Variants in ATR observed in about 807,000 individuals in gnomAD.
ATR encodes the protein ATR checkpoint kinase, also known as serine/threonine-protein kinase ATR.
A neutral mutation model predicts 305.3 loss-of-function variants in ATR; 142 were observed. The ratio of observed to expected loss-of-function variants is 0.47; its 90% CI spans 0.41 to 0.53. The LOEUF is 0.53. Ranked by LOEUF, ATR falls within the 20% of genes least tolerant of loss-of-function variation. The pLI, the probability that ATR is intolerant of heterozygous loss-of-function variation, is 0.00. For synonymous variants in ATR, 1,050 were observed against 1,068.1 expected, an observed-to-expected ratio of 0.98 and a Z score of 0.33; for missense variants, 2,135 against 3,133.1, an observed-to-expected ratio of 0.68 and a Z score of 7.60.
In ATR at chr3:142,568,100, A is replaced by G. The variant is rs1577713084; in HGVS notation, c.114T>C (p.Cys38=). Residue 38 remains cysteine, a synonymous_variant, in exon 2 of 47, where the codon TGT becomes TGC. Coordinates refer to ENST00000350721, the MANE Select transcript of ATR (RefSeq NM_001184.4). The part of the protein sequence containing the change: ...TVVQKPRQIL[C]QFIDRILTDV... ...CTGTAAGTATCCGGTCAATGAATTGACACAGAATTTGTCTTGGCTTCTGTA... is the reference window on the plus strand; with the variant it reads ...CTGTAAGTATCCGGTCAATGAATTGGCACAGAATTTGTCTTGGCTTCTGTA... The G allele has an allele frequency of 6.2e-7, 1 of 1,612,646 alleles. No individual in the cohort carries two copies. Among genetic ancestry groups the G allele is most frequent in the Non-Finnish European group, 8.5e-7 (1 of 1,179,094 alleles).
At position 142,491,943 on chromosome 3, in the gene ATR, AT is replaced by A. The variant is rs1018427607; in HGVS notation, c.6078+1188del. 5.6e-4 allele frequency among the ~76,000 whole-genome samples: 85 copies of A among 151,926 alleles called. 2 individuals are homozygous for A. Among genetic ancestry groups the A allele is most frequent in the Non-Finnish European group, 4.4e-5 (3 of 67,970 alleles). On this transcript the variant is annotated intron_variant, in intron 35 of 46. Transcript: ENST00000350721. The stretch of plus-strand genomic sequence containing the variant: ...TTTCTAGAACTATTTCTACTGATTT[AT>A]TTTTTTTCCTATCTGTGGCTCAAAT...
intron 41 of ATR, among the ~76,000 whole-genome samples, chr3:142,464,570 C>A (rs2071086992): frequency 6.6e-6 from 1 of 152,174 alleles, no homozygotes; most frequent in African/African-American, 2.4e-5. Context: ...AATTCTAACA[C>A]ATGCTGTAAA....
In ATR at chr3:142,512,259, C is replaced by T. The variant is rs1410948250; in HGVS notation, c.4852+1G>A. ...AAAAAGAAACAGAAGTGATAACTCA[C>T]CCATTGAGTCTACCTTATTTCTGTT... On this transcript the variant is annotated splice_donor_variant, in intron 27 of 46. Transcript: ENST00000350721. LOFTEE classifies it high-confidence loss of function. 6.3e-7 allele frequency: 1 copy of T among 1,593,264 alleles called. No individual in the cohort carries two copies. The highest frequency in any genetic ancestry group is 8.6e-7 in the Non-Finnish European group (1 of 1,163,790).
chr3:142,541,120 C>A (rs2108438573), intron 17 of ATR, 86 bp from the exon 18 acceptor site: 1 of 1,503,748 alleles, frequency 6.7e-7, no homozygotes, highest in Non-Finnish European at 9.2e-7. Flanking sequence ...GCTTCCCACC[C>A]AGTATCAGGG....
At position 142,560,402 on chromosome 3, in the gene ATR, G is replaced by A. The variant is rs1411907335; in HGVS notation, c.1402C>T (p.Gln468Ter). The A allele has an allele frequency of 6.2e-7, 1 of 1,613,566 alleles. No homozygotes were observed. The highest frequency in any genetic ancestry group is 2.2e-5 in the East Asian group (1 of 44,824). Reference protein sequence around the residue: ...QKSILWSALKQKAESLQISLE... With the variant: ...QKSILWSALK Reference sequence around the variant, plus strand: ...GAAATCTGAAGGGATTCAGCTTTCTGTTTCAGTGCACTCCATAATATGCTC... The same window carrying A: ...GAAATCTGAAGGGATTCAGCTTTCTATTTCAGTGCACTCCATAATATGCTC... Residue 468 changes from glutamine to a stop codon, truncating the protein, a stop_gained, in exon 6 of 47, where the codon CAG becomes TAG. Coordinates refer to ENST00000350721, the MANE Select transcript of ATR (RefSeq NM_001184.4). LOFTEE classifies it high-confidence loss of function.
rs1057409196 is a variant in ATR at position 142,453,007 on chromosome 3, A to G, written c.7761+121T>C. 7.8e-6 allele frequency: 12 copies of G among 1,543,310 alleles called. No homozygotes were observed. The African/African-American group carries it at 1.1e-4, about 14-fold the overall frequency. ...AGAGAACTAGATTTCAGAGTAATCAATAGTCACTAACAGTATTTCCAAGCA... is the reference window on the plus strand; with the variant it reads ...AGAGAACTAGATTTCAGAGTAATCAGTAGTCACTAACAGTATTTCCAAGCA... On this transcript the variant is annotated intron_variant, in intron 46 of 46. Coordinates refer to ENST00000350721, the MANE Select transcript of ATR (RefSeq NM_001184.4).
In ATR at chr3:142,562,567, G is replaced by A. The variant is rs1238414080; in HGVS notation, c.835C>T (p.His279Tyr). The change falls in exon 4 of 47, where the codon CAC (histidine) becomes TAC (tyrosine). Residue 279 changes from histidine (H) to tyrosine (Y), a missense_variant. Transcript: ENST00000350721. ...TGGTCAGTATCCATTTCTACAAGGT[G>A]TTTTAATAATTCCAAAAATGAGCTG... ...FFSSFLELLK[H>Y]LVEMDTDQLK... The A allele has an allele frequency of 2.5e-6, 4 of 1,613,820 alleles. No homozygotes were observed. Among genetic ancestry groups the A allele is most frequent in the African/African-American group, 1.3e-5 (1 of 74,890 alleles).
chr3:142,499,968 T>TA (rs1475991519), intron 30 of ATR: 1 of 393,664 alleles, frequency 2.5e-6, no homozygotes, highest in East Asian at 5.3e-5. Context: ...TTCAACAAAT[T>TA]AAAGTGTGCC....
At position 142,561,270 on chromosome 3, in the gene ATR, G is replaced by A. The variant is rs770059434; in HGVS notation, c.1322C>T (p.Ser441Phe). Residue 441 changes from serine to phenylalanine, a missense_variant, in exon 5 of 47, where the codon TCT (serine) becomes TTT (phenylalanine). Physicochemically the swap from Ser to Phe is radical, Grantham distance 155 (BLOSUM62 -2). Transcript: ENST00000350721. ...CTCAGTCTGTTTTGGTGCTCTTTTA[G>A]AAGGGTTTAGAGACGAGCTGAGACG... ...RRRLSSSLNP[S>F]KRAPKQTEEI... The A allele has an allele frequency of 6.2e-7, 1 of 1,614,052 alleles. No homozygotes were observed. Among genetic ancestry groups the A allele is most frequent in the Non-Finnish European group, 8.5e-7 (1 of 1,179,946 alleles).
At chr3:142,464,712 G>A (rs1244382563) in intron 41 of ATR, among the ~76,000 whole-genome samples, 1 of 152,140 alleles carries the variant, frequency 6.6e-6, no homozygotes, top group African/African-American at 2.4e-5. Flanking sequence ...AGGCTGAGGA[G>A]AAGGGAAATA....
intron 19 of ATR, 69 bp downstream of exon 19, chr3:142,538,413 C>A: frequency 6.6e-7 from 1 of 1,507,570 alleles, no homozygotes; most frequent in East Asian, 2.3e-5. Context: ...ACATTACCAT[C>A]AGTAATTTTG....
intron 17 of ATR, among the ~76,000 whole-genome samples, chr3:142,542,159 T>A (rs1016040852): frequency 5.3e-5 from 8 of 152,168 alleles, no homozygotes; most frequent in Admixed American, 2.6e-4. Context: ...AAAAACACCA[T>A]GAGCCATGAC....
intron 27 of ATR, among the ~76,000 whole-genome samples, chr3:142,508,838 G>A (rs935081584): frequency 2.0e-5 from 3 of 151,410 alleles, no homozygotes; most frequent in Admixed American, 1.3e-4. Flanking sequence ...GCAGGAGAAT[G>A]GCGTGAACCT....
At chr3:142,491,670 T>C (rs942955246) in intron 35 of ATR, among the ~76,000 whole-genome samples, 1 of 152,164 alleles carries the variant, frequency 6.6e-6, no homozygotes, top group African/African-American at 2.4e-5. Flanking sequence ...TCAAGGTTAG[T>C]TTCTTAGGTG....
At chr3:142,472,128 A>AGTGTGTGTGT (rs2071295308) in intron 36 of ATR, 1 of 107,968 alleles carries the variant, frequency 9.3e-6, no homozygotes, top group African/African-American at 4.2e-5. Context: ...TGTGTGTATA[A>AGTGTGTGTGT]GTATACATAC....
At chr3:142,480,676 C>A (rs954225654) in intron 36 of ATR, among the ~76,000 whole-genome samples, 39 of 152,218 alleles carry the variant, frequency 2.6e-4, no homozygotes, top group Non-Finnish European at 2.9e-5. Flanking sequence ...CTATGCCCTG[C>A]CCCCAGAGGT....
At chr3:142,543,596 C>A (rs2034144660) in intron 16 of ATR, among the ~76,000 whole-genome samples, 1 of 151,344 alleles carries the variant, frequency 6.6e-6, no homozygotes, top group African/African-American at 2.4e-5. Context: ...TTTCTTTCCT[C>A]CTCTTTTTTC....
In ATR at chr3:142,457,444, G is replaced by A. The variant is rs190324906; in HGVS notation, c.7655+160C>T. Among the ~76,000 whole-genome samples, 4 of 152,172 alleles carry A rather than the reference G, an allele frequency of 2.6e-5. No homozygotes were observed. The East Asian group carries it at 7.7e-4, about 29-fold the overall frequency. On this transcript the variant is annotated intron_variant, in intron 45 of 46. Coordinates refer to ENST00000350721, the MANE Select transcript of ATR (RefSeq NM_001184.4). ...CACTGAATTATGTACTTTTAAAGGG[G>A]TGAATTTATGGTATATAAATTATAT...
At chr3:142,457,949 TA>T in intron 44 of ATR, 194 bp from the exon 45 acceptor site, 1 of 639,914 alleles carries the variant, frequency 1.6e-6, no homozygotes, top group Non-Finnish European at 2.7e-6. Context: ...ACTGAAACCA[TA>T]CTTGATCTTG....
Sources: allele counts gnomAD v4.1 joint callset (sites outside exome capture counted in the v4.1 genomes callset), GRCh38; gene constraint gnomAD v4.1.1; transcripts MANE v1.5; gene names NCBI Gene and HGNC (gene_info 2026-07-23, HGNC 2026-07-21).